Variants in TAOK1 observed in about 807,000 individuals in gnomAD.
TAOK1 encodes TAO kinase 1, also known as serine/threonine-protein kinase TAO1.
A neutral mutation model predicts 138.3 loss-of-function variants in TAOK1; 21 were observed. The ratio of observed to expected loss-of-function variants is 0.15; its 90% CI spans 0.11 to 0.22. The LOEUF is 0.22. Ranked by LOEUF, TAOK1 falls within the 10% of genes least tolerant of loss-of-function variation. TAOK1 has a pLI of 1.00. For missense variants in TAOK1, 651 were observed against 1,227.7 expected (o/e 0.53, Z 7.02); for synonymous variants, 361 against 398.4 (o/e 0.91, Z 1.12).
intron 8 of TAOK1, among the ~76,000 whole-genome samples, chr17:29,486,243 C>T (rs891925649): frequency 2.0e-5 from 3 of 152,062 alleles, no homozygotes; most frequent in African/African-American, 4.8e-5. Flanking sequence ...GAGCTAAGAT[C>T]GCGCCACTGC....
intron 1 of TAOK1, among the ~76,000 whole-genome samples, chr17:29,394,209 A>G (rs1273818051): frequency 8.9e-6 from 1 of 112,132 alleles, no homozygotes; most frequent in East Asian, 3.1e-4. Context: ...TCTGTCGCCC[A>G]GGCTGGAGTG....
At chr17:29,482,402 G>A (rs2031082619) in intron 8 of TAOK1, 114 bp downstream of exon 8, 4 of 809,964 alleles carry the variant, frequency 4.9e-6, no homozygotes, top group African/African-American at 3.5e-5. Flanking sequence ...TTTATAAGGG[G>A]GGCAATACAT....
intron 1 of TAOK1, among the ~76,000 whole-genome samples, chr17:29,408,065 T>A (rs1278645280): frequency 6.6e-6 from 1 of 152,008 alleles, no homozygotes; most frequent in Non-Finnish European, 1.5e-5. Flanking sequence ...TTTTCTAGAT[T>A]CTGTGCCAGG....
intron 10 of TAOK1, among the ~76,000 whole-genome samples, chr17:29,493,917 TA>T (rs931683488): frequency 3.3e-5 from 5 of 151,960 alleles, no homozygotes; most frequent in African/African-American, 9.7e-5. Context: ...TAATAATAAT[TA>T]TTTTTTTTTT....
At chr17:29,394,057 A>G (rs1904510088) in intron 1 of TAOK1, among the ~76,000 whole-genome samples, 1 of 151,418 alleles carries the variant, frequency 6.6e-6, no homozygotes, top group African/African-American at 2.4e-5. Flanking sequence ...ATGCCATTTT[A>G]ACAGTAAGAA....
intron 19 of TAOK1, among the ~76,000 whole-genome samples, chr17:29,539,275 C>G (rs1380595135): frequency 6.6e-6 from 1 of 151,792 alleles, no homozygotes; most frequent in Non-Finnish European, 1.5e-5. Flanking sequence ...AAACAACAAA[C>G]AAACATATTT....
At chr17:29,496,628 C>T (rs2031420145) in intron 11 of TAOK1, among the ~76,000 whole-genome samples, 1 of 139,478 alleles carries the variant, frequency 7.2e-6, no homozygotes, top group Non-Finnish European at 1.5e-5. Flanking sequence ...TGCTCTGTAG[C>T]CCAGTTTGGA....
intron 1 of TAOK1, among the ~76,000 whole-genome samples, chr17:29,406,139 T>C (rs1904985094): frequency 6.6e-6 from 1 of 152,284 alleles, no homozygotes; most frequent in South Asian, 2.1e-4. Flanking sequence ...ATCTGTGCTA[T>C]GCATTATAGC....
intron 2 of TAOK1, among the ~76,000 whole-genome samples, chr17:29,454,089 T>G (rs1363885248): frequency 6.6e-6 from 1 of 151,986 alleles, no homozygotes; most frequent in Non-Finnish European, 1.5e-5. Context: ...AGTGCTGAGA[T>G]TATAGGTGTG....
intron 1 of TAOK1, among the ~76,000 whole-genome samples, chr17:29,397,530 C>T (rs903471702): frequency 6.8e-6 from 1 of 147,346 alleles, no homozygotes; most frequent in Non-Finnish European, 1.5e-5. Context: ...TTGAACTCAG[C>T]AGGCGGAGGT....
intron 1 of TAOK1, among the ~76,000 whole-genome samples, chr17:29,437,974 C>T (rs566245762): frequency 1.1e-4 from 17 of 152,094 alleles, no homozygotes; most frequent in Non-Finnish European, 2.1e-4. Flanking sequence ...CCTTGTGATT[C>T]GCCCGCCTTA....
intron 1 of TAOK1, among the ~76,000 whole-genome samples, chr17:29,446,737 C>CTTTTT (rs34871616): frequency 8.3e-6 from 1 of 119,878 alleles, no homozygotes; most frequent in African/African-American, 3.3e-5. Flanking sequence ...TTTTACTGTA[C>CTTTTT]TTTTTTTTTT....
chr17:29,398,382 T>A (rs1022693485), intron 1 of TAOK1, among the ~76,000 whole-genome samples: 2 of 151,826 alleles, frequency 1.3e-5, no homozygotes, highest in African/African-American at 4.8e-5. Flanking sequence ...ATTTTTTGTA[T>A]TTTTAGTAGA....
intron 15 of TAOK1, chr17:29,514,430 G>C (rs770265599): frequency 6.6e-6 from 1 of 152,058 alleles, no homozygotes; most frequent in Non-Finnish European, 1.5e-5. Flanking sequence ...GCACAATACT[G>C]CTCACTGCAG....
At chr17:29,532,111 C>T (rs1206676722) in intron 18 of TAOK1, among the ~76,000 whole-genome samples, 1 of 152,118 alleles carries the variant, frequency 6.6e-6, no homozygotes, top group Non-Finnish European at 1.5e-5. Context: ...CCGCCCGCCT[C>T]AGCCTCCCAA....
chr17:29,394,158 T>TG (rs1904517336), intron 1 of TAOK1, among the ~76,000 whole-genome samples: 1 of 106,296 alleles, frequency 9.4e-6, no homozygotes, highest in African/African-American at 4.5e-5. Context: ...CAGTTTTTTT[T>TG]TTTTTTTTTT....
intron 2 of TAOK1, among the ~76,000 whole-genome samples, chr17:29,460,079 T>C (rs2153025032): frequency 6.6e-6 from 1 of 152,394 alleles, no homozygotes; most frequent in East Asian, 1.9e-4. Context: ...GTAATGTTTC[T>C]TGCCCTTTTC....
At chr17:29,534,466 C>T (rs2032188554) in intron 19 of TAOK1, among the ~76,000 whole-genome samples, 166 bp downstream of exon 19, 1 of 152,120 alleles carries the variant, frequency 6.6e-6, no homozygotes, top group African/African-American at 2.4e-5. Flanking sequence ...ATTACTGATT[C>T]ACTGATGAAC....
intron 12 of TAOK1, among the ~76,000 whole-genome samples, chr17:29,499,560 CTTTCTTT>C (rs1256749351): frequency 9.2e-6 from 1 of 109,158 alleles, no homozygotes; most frequent in Non-Finnish European, 2.0e-5. Flanking sequence ...TTCTTTCTTT[CTTTCTTT>C]TTTTTTTTTG....
Sources: allele counts gnomAD v4.1 joint callset (sites outside exome capture counted in the v4.1 genomes callset), GRCh38; gene constraint gnomAD v4.1.1; transcripts MANE v1.5; gene names NCBI Gene and HGNC (gene_info 2026-07-23, HGNC 2026-07-21).